TOP1: variants seen among roughly 807,000 people sequenced by gnomAD.
TOP1 encodes the protein DNA topoisomerase 1.
TOP1 carries 10 observed loss-of-function variants against 111.1 expected under a neutral mutation model. The ratio of observed to expected loss-of-function variants is 0.09; its 90% CI spans 0.06 to 0.15. TOP1 has a LOEUF of 0.15. Ranked by LOEUF, TOP1 falls within the 10% of genes least tolerant of loss-of-function variation. The pLI is 1.00. For missense variants in TOP1, 474 were observed against 926.7 expected (o/e 0.51, Z 6.34); for synonymous variants, 271 against 302.9 (o/e 0.89, Z 1.10).
chr20:41,062,359 T>C (rs1475447378), intron 3 of TOP1, among the ~76,000 whole-genome samples: 1 of 152,236 alleles, frequency 6.6e-6, no homozygotes. Flanking sequence ...AATTGCTTTC[T>C]AAGTCTGTTC....
chr20:41,096,794 CTGCCCTA>C (rs1341365656), intron 9 of TOP1, among the ~76,000 whole-genome samples: 1 of 152,186 alleles, frequency 6.6e-6, no homozygotes, highest in Non-Finnish European at 1.5e-5. Context: ...CTTCCACTCC[CTGCCCTA>C]TCCCTTCCTC....
chr20:41,031,573 A>G (rs2033120097), intron 2 of TOP1, among the ~76,000 whole-genome samples: 1 of 152,230 alleles, frequency 6.6e-6, no homozygotes, highest in Non-Finnish European at 1.5e-5. Context: ...ATATTTATTG[A>G]ATACTTACTG....
chr20:41,100,263 T>C lies in TOP1; in HGVS notation c.1163+20T>C, dbSNP rs1272290492. On this transcript the variant is annotated intron_variant, in intron 12 of 20. Transcript: ENST00000361337. The surrounding 1 kb of genome is among the most constrained non-coding windows in gnomAD (Gnocchi z 4.4). ...TAGCAAGTGAGCTCGCACTTCATCC[T>C]ATGGGCCAAAAAGGGGGTGGAGGGC... The C allele has an allele frequency of 3.1e-6, 5 of 1,598,484 alleles. No homozygotes were observed. Among genetic ancestry groups the C allele is most frequent in the African/African-American group, 1.3e-5 (1 of 74,162 alleles).
chr20:41,035,629 T>G (rs1255868655), intron 2 of TOP1, among the ~76,000 whole-genome samples: 2 of 152,206 alleles, frequency 1.3e-5, no homozygotes, highest in African/African-American at 2.4e-5. Flanking sequence ...GGTCCCATTA[T>G]TCTTTATATT....
Position 41,061,567 on chromosome 20 carries a change from T to A in TOP1, c.155+77T>A. On this transcript the variant is annotated intron_variant, in intron 3 of 20. Transcript: ENST00000361337. This position sits in a 1 kb window ranked among gnomAD's most constrained non-coding sequence, Gnocchi z 4.6. ...TGCTTGGCTTACCTGGAATAGGTCT[T>A]AACTTGAGCTACATGTAAAGATAGC... is the stretch of plus-strand genomic sequence containing the variant. 2 of 1,208,574 alleles carry A rather than the reference T, an allele frequency of 1.7e-6. No individual in the cohort carries two copies. The highest frequency in any genetic ancestry group is 2.4e-6 in the Non-Finnish European group (2 of 847,330). 74.9% of individuals were successfully genotyped at this position (1,208,574 alleles called of 1,614,324 possible).
chr20:41,068,749 G>A (rs949882749), intron 3 of TOP1, among the ~76,000 whole-genome samples: 5 of 152,116 alleles, frequency 3.3e-5, no homozygotes, highest in South Asian at 2.1e-4. Flanking sequence ...TAGATGCCAA[G>A]GAATTACGTA....
chr20:41,033,744 C>T (rs1489519138), intron 2 of TOP1, among the ~76,000 whole-genome samples: 7 of 152,134 alleles, frequency 4.6e-5, no homozygotes, highest in Non-Finnish European at 1.0e-4. Flanking sequence ...TTATATGACA[C>T]ATCATTATCA....
At chr20:41,113,269 T>C (rs2034271682) in intron 14 of TOP1, among the ~76,000 whole-genome samples, 2 of 152,190 alleles carry the variant, frequency 1.3e-5, no homozygotes, top group African/African-American at 4.8e-5. Flanking sequence ...TTCATGTTTT[T>C]CCCCCAGTCT....
intron 17 of TOP1, among the ~76,000 whole-genome samples, chr20:41,117,380 ATTTTTTTT>A (rs1192075214): frequency 2.3e-5 from 2 of 85,530 alleles, no homozygotes; most frequent in East Asian, 4.0e-4. Flanking sequence ...CTGTGGCTTA[ATTTTTTTT>A]TTTTTTTTTT....
intron 2 of TOP1, among the ~76,000 whole-genome samples, chr20:41,055,173 G>A (rs967633405): frequency 2.0e-5 from 3 of 152,168 alleles, no homozygotes; most frequent in Non-Finnish European, 4.4e-5. Context: ...TAAAATATTT[G>A]TTACTAGAAA....
At position 41,029,925 on chromosome 20, in the gene TOP1, AATT is replaced by A. The variant is rs1427817282; in HGVS notation, c.58+477_58+479del. Among the ~76,000 whole-genome samples, 1 of 152,188 alleles carries A rather than the reference AATT, an allele frequency of 6.6e-6. No individual in the cohort carries two copies. Among genetic ancestry groups the A allele is most frequent in the African/African-American group, 2.4e-5 (1 of 41,444 alleles). ...CCAGAGAGGGAAGGCTGGGGGACTG[AATT>A]ATTATTTTTTAAACTTTATTTTGGG... is the stretch of plus-strand genomic sequence containing the variant. On this transcript the variant is annotated intron_variant, in intron 2 of 20. Transcript: ENST00000361337. This position sits in a 1 kb window ranked among gnomAD's most constrained non-coding sequence, Gnocchi z 6.1.
chr20:41,086,060 C>T (rs539575703), intron 8 of TOP1, among the ~76,000 whole-genome samples: 10 of 152,198 alleles, frequency 6.6e-5, no homozygotes, highest in Admixed American at 2.0e-4. Context: ...GTCAGGAGTT[C>T]GAGACCAACC....
rs543097955 is a variant in TOP1 at position 41,057,085 on chromosome 20, G to A, written c.59-4309G>A. Among the ~76,000 whole-genome samples, 5 of 152,212 alleles carry A rather than the reference G, an allele frequency of 3.3e-5. No individual in the cohort carries two copies. The South Asian group carries it at 1.0e-3, about 32-fold the overall frequency. On this transcript the variant is annotated intron_variant, in intron 2 of 20. Transcript: ENST00000361337. Reference sequence around the variant, plus strand: ...GTTCGAGACCAGCCTCGGCAACACGGTGAAACCCCATCTCTACTAAAATAC... The same window carrying A: ...GTTCGAGACCAGCCTCGGCAACACGATGAAACCCCATCTCTACTAAAATAC...
chr20:41,077,589 C>A lies in TOP1; in HGVS notation c.287C>A (p.Ala96Asp), dbSNP rs1438380698. The A allele has an allele frequency of 1.2e-6, 2 of 1,613,932 alleles. No homozygotes were observed. The highest frequency in any genetic ancestry group is 3.3e-5 in the Admixed American group (2 of 60,004). ...KEKRKEEKVR[A>D]SGDAKIKKEK... ...TGTTGTTTTACTTTTCAGGTTCGAGCCTCTGGGGATGCAAAAATAAAGAAG... is the reference window on the plus strand; with the variant it reads ...TGTTGTTTTACTTTTCAGGTTCGAGACTCTGGGGATGCAAAAATAAAGAAG... The change falls in exon 5 of 21, where the codon GCC (alanine) becomes GAC (aspartate). Residue 96 changes from alanine (A) to aspartate (D), a missense_variant. Ala to Asp is a moderately radical substitution (Grantham distance 126). Coordinates refer to ENST00000361337, the MANE Select transcript of TOP1 (RefSeq NM_003286.4).
intron 13 of TOP1, among the ~76,000 whole-genome samples, chr20:41,111,593 C>A (rs2034241739): frequency 8.6e-6 from 1 of 115,646 alleles, no homozygotes; most frequent in Non-Finnish European, 1.7e-5. Flanking sequence ...CCACCCCACC[C>A]CCCGCCCCCT....
Position 41,109,504 on chromosome 20 carries a change from T to A in TOP1, c.1309-3278T>A, listed in dbSNP as rs1161047244. ...AAAATTTATGTTCAACAAAAGACAC[T>A]GCTAAAATAAATACAGAATTTACAG... On this transcript the variant is annotated intron_variant, in intron 13 of 20. Transcript: ENST00000361337. The surrounding 1 kb of genome is among the most constrained non-coding windows in gnomAD (Gnocchi z 4.1). Among the ~76,000 whole-genome samples, 1 of 152,148 alleles carries A rather than the reference T, an allele frequency of 6.6e-6. No homozygotes were observed. Among genetic ancestry groups the A allele is most frequent in the Non-Finnish European group, 1.5e-5 (1 of 68,026 alleles).
intron 2 of TOP1, among the ~76,000 whole-genome samples, chr20:41,055,815 T>C (rs972954892): frequency 2.6e-5 from 4 of 152,216 alleles, no homozygotes; most frequent in Admixed American, 6.5e-5. Context: ...CAGAAACCTC[T>C]AACTATTTAT....
chr20:41,038,198 A>G (rs1443734093), intron 2 of TOP1, among the ~76,000 whole-genome samples: 1 of 152,186 alleles, frequency 6.6e-6, no homozygotes, highest in Non-Finnish European at 1.5e-5. Context: ...ACCCCATAAT[A>G]GAGACTTAAA....
chr20:41,080,247 G>A lies in TOP1; in HGVS notation c.431+67G>A, dbSNP rs2033773791. 1 of 967,048 alleles carries A rather than the reference G, an allele frequency of 1.0e-6. No individual in the cohort carries two copies. The highest frequency in any genetic ancestry group is 2.6e-5 in the Admixed American group (1 of 39,108). 59.9% of individuals were successfully genotyped at this position (967,048 alleles called of 1,614,324 possible). ...GAGGAGTTTAAAGAATAAATGTGATGTGTTTCTTTATAATACATATAGAAA... is the reference window on the plus strand; with the variant it reads ...GAGGAGTTTAAAGAATAAATGTGATATGTTTCTTTATAATACATATAGAAA... On this transcript the variant is annotated intron_variant, in intron 6 of 20. Coordinates refer to ENST00000361337, the MANE Select transcript of TOP1 (RefSeq NM_003286.4). The surrounding 1 kb of genome is among the most constrained non-coding windows in gnomAD (Gnocchi z 5.0).
Sources: allele counts gnomAD v4.1 joint callset (sites outside exome capture counted in the v4.1 genomes callset), GRCh38; gene constraint gnomAD v4.1.1; non-coding constraint Gnocchi (gnomAD v3.1); transcripts MANE v1.5; gene names NCBI Gene and HGNC (gene_info 2026-07-23, HGNC 2026-07-21).